The following CD2 variants were observed in gnomAD, a reference collection of about 807,000 sequenced individuals.
CD2 encodes T-cell surface antigen CD2.
CD2 carries 18 observed loss-of-function variants against 23.2 expected under a neutral mutation model. The ratio of observed to expected loss-of-function variants is 0.77; its 90% CI spans 0.54 to 1.15. CD2 has a LOEUF of 1.15. Ranked by LOEUF, CD2 falls within the 50% of genes most tolerant of loss-of-function variation. CD2 has a pLI of 0.00. For missense variants in CD2, 424 were observed against 423.1 expected (o/e 1.00, Z -0.02); for synonymous variants, 162 against 151.9 (o/e 1.07, Z -0.49).
chr1:116,762,256 CTG>C lies in CD2; in HGVS notation c.613+1625_613+1626del, dbSNP rs900591338. On this transcript the variant is annotated intron_variant, in intron 3 of 4. Coordinates refer to ENST00000369478, the MANE Select transcript of CD2 (RefSeq NM_001767.5). ...TTGTTTATCTGAAATTCAAATTTAA[CTG>C]GGTGTTTTGCATTATATCTGGCAAC... is the stretch of plus-strand genomic sequence containing the variant. Among the ~76,000 whole-genome samples, 19 of 152,240 alleles carry C rather than the reference CTG, an allele frequency of 1.2e-4. No homozygotes were observed. In the East Asian group the frequency reaches 3.7e-3, roughly 29 times the overall value.
rs373098399 is a variant in CD2, at chr1:116,768,511, G to A, written c.784G>A (p.Gly262Ser). 6.2e-7 allele frequency: 1 copy of A among 1,613,966 alleles called. No homozygotes were observed. The highest frequency in any genetic ancestry group is 1.3e-5 in the African/African-American group (1 of 74,880). The change falls in exon 5 of 5, where the codon GGC becomes AGC. Residue 262 changes from glycine (G) to serine (S), a missense_variant. Gly to Ser is a moderately conservative substitution (Grantham distance 56). Transcript: ENST00000369478. ...RAHRVATEERGRKPHQIPAST... is the reference protein window; with the variant it reads ...RAHRVATEERSRKPHQIPAST... Reference sequence around the variant, plus strand: ...CCACAGAGTAGCTACTGAAGAAAGGGGCCGGAAGCCCCACCAAATTCCAGC... The same window carrying A: ...CCACAGAGTAGCTACTGAAGAAAGGAGCCGGAAGCCCCACCAAATTCCAGC...
At chr1:116,764,665 C>G (rs1652160390) in intron 4 of CD2, 59 bp downstream of exon 4, 1 of 1,267,736 alleles carries the variant, frequency 7.9e-7, no homozygotes. Flanking sequence ...TGAAACAGCT[C>G]ATGGGGATGA....
chr1:116,764,175 G>A (rs965500657), intron 3 of CD2, among the ~76,000 whole-genome samples: 5 of 152,050 alleles, frequency 3.3e-5, no homozygotes, highest in Admixed American at 6.5e-5. Flanking sequence ...TAAGATCCTC[G>A]GATCTAAAAT....
rs372877087 is a variant in CD2, at chr1:116,754,570, A to G, written c.61+17A>G. On this transcript the variant is annotated intron_variant, in intron 1 of 4. Coordinates refer to ENST00000369478, the MANE Select transcript of CD2 (RefSeq NM_001767.5). ...CTTCCAAAGGTAAGCATAAGAGTCA[A>G]AGAAGTCCCAACCCAGCTTTCCCTG... The G allele has an allele frequency of 1.2e-6, 2 of 1,612,338 alleles. No homozygotes were observed. The highest frequency in any genetic ancestry group is 2.7e-5 in the African/African-American group (2 of 74,772).
chr1:116,764,351 C>G, intron 3 of CD2, 133 bp from the exon 4 acceptor site: 1 of 1,377,322 alleles, frequency 7.3e-7, no homozygotes. Context: ...CCTCTGTGAG[C>G]CTGGGAGTTA....
chr1:116,765,816 C>G (rs1394973968), intron 4 of CD2, among the ~76,000 whole-genome samples: 3 of 152,242 alleles, frequency 2.0e-5, no homozygotes, highest in East Asian at 1.9e-4. Context: ...ACAAGGCAAT[C>G]TCTGCCATCA....
intron 2 of CD2, among the ~76,000 whole-genome samples, chr1:116,759,696 T>A (rs893341395): frequency 6.6e-6 from 1 of 152,250 alleles, no homozygotes; most frequent in Admixed American, 6.5e-5. Flanking sequence ...CCTTTTCTGA[T>A]GCTCTGAGGA....
intron 2 of CD2, 82 bp from the exon 3 acceptor site, chr1:116,760,320 C>A: frequency 1.9e-6 from 2 of 1,034,968 alleles, no homozygotes; most frequent in South Asian, 1.5e-5. Flanking sequence ...CTAACTGACT[C>A]CATCCCCCAC....
intron 2 of CD2, among the ~76,000 whole-genome samples, chr1:116,755,999 A>G (rs951028128): frequency 2.0e-4 from 30 of 152,058 alleles, no homozygotes; most frequent in East Asian, 3.9e-4. Flanking sequence ...AGAAAATATC[A>G]CCAGAAGCAG....
chr1:116,763,548 A>G (rs1652120909), intron 3 of CD2, among the ~76,000 whole-genome samples: 1 of 152,190 alleles, frequency 6.6e-6, no homozygotes, highest in Admixed American at 6.5e-5. Context: ...CCAGTGCGAG[A>G]ACACTAGTAA....
At chr1:116,762,481 G>T (rs1223221500) in intron 3 of CD2, among the ~76,000 whole-genome samples, 1 of 152,178 alleles carries the variant, frequency 6.6e-6, no homozygotes, top group Non-Finnish European at 1.5e-5. Flanking sequence ...GAATACCTGG[G>T]GAGAGATTAG....
chr1:116,754,437 C>G lies in CD2; in HGVS notation c.-56C>G. On this transcript the variant is annotated 5_prime_UTR_variant, in exon 1 of 5. Transcript: ENST00000369478. ...CGGGGTGTGGACTCCACCAGTCTCA[C>G]TTCAGTTCCTTTTGCATGAAGAGCT... The G allele has an allele frequency of 1.3e-6, 2 of 1,496,752 alleles. No individual in the cohort carries two copies. The highest frequency in any genetic ancestry group is 1.9e-6 in the Non-Finnish European group (2 of 1,079,960). 92.7% of individuals were successfully genotyped at this position (1,496,752 alleles called of 1,614,324 possible).
chr1:116,758,239 C>T (rs899777959), intron 2 of CD2, among the ~76,000 whole-genome samples: 2 of 151,912 alleles, frequency 1.3e-5, no homozygotes, highest in African/African-American at 2.4e-5. Context: ...GAGTTGAAAG[C>T]CCACGGATGC....
chr1:116,764,412 G>A (rs1652150005), intron 3 of CD2, 72 bp from the exon 4 acceptor site: 4 of 1,565,500 alleles, frequency 2.6e-6, no homozygotes, highest in Non-Finnish European at 3.5e-6. Flanking sequence ...GCAGGAGGCA[G>A]CATCCTTGGC....
At chr1:116,756,276 C>G (rs1277634747) in intron 2 of CD2, among the ~76,000 whole-genome samples, 2 of 152,188 alleles carry the variant, frequency 1.3e-5, no homozygotes. Flanking sequence ...GCACAAAACT[C>G]GAGTGTCCTG....
intron 2 of CD2, among the ~76,000 whole-genome samples, chr1:116,757,767 A>G (rs894171954): frequency 6.6e-6 from 1 of 151,492 alleles, no homozygotes; most frequent in Admixed American, 6.6e-5. Flanking sequence ...AGAGAGAGAG[A>G]GAGAGAGAGG....
At chr1:116,757,087 C>T (rs2101156073) in intron 2 of CD2, among the ~76,000 whole-genome samples, 1 of 151,850 alleles carries the variant, frequency 6.6e-6, no homozygotes, top group South Asian at 2.1e-4. Flanking sequence ...GCCTCTGCCT[C>T]CCAGGTTCAA....
intron 3 of CD2, among the ~76,000 whole-genome samples, chr1:116,761,171 G>T (rs367719278): frequency 1.4e-4 from 22 of 152,140 alleles, no homozygotes; most frequent in African/African-American, 4.6e-4. Context: ...GGACGGCAAG[G>T]CTTGGGGACT....
In CD2 at chr1:116,764,569, T is replaced by C. The variant is rs764767209; in HGVS notation, c.699T>C (p.Tyr233=). The C allele has an allele frequency of 5.0e-6, 8 of 1,614,058 alleles. No individual in the cohort carries two copies. The Admixed American group carries it at 1.3e-4, about 27-fold the overall frequency. Residue 233 remains tyrosine, a synonymous_variant, in exon 4 of 5, where the codon TAT becomes TAC. Coordinates refer to ENST00000369478, the MANE Select transcript of CD2 (RefSeq NM_001767.5). The part of the protein sequence containing the change: ...LMVFVALLVF[Y]ITKRKKQRSR... ...TCTTTGTGGCACTGCTCGTTTTCTA[T>C]ATCACCAAAAGGAAAAAACAGAGGA...
Sources: gnomAD v4.1 joint callset for allele counts (sites outside exome capture counted in the v4.1 genomes callset) on GRCh38, gnomAD v4.1.1 for gene constraint, MANE v1.5 for transcripts, NCBI Gene and HGNC (gene_info 2026-07-23, HGNC 2026-07-21) for gene names.